NAA15: variants seen among roughly 807,000 people sequenced by gnomAD.
NAA15 encodes the protein N-terminal acetyltransferase.
NAA15 carries 34 observed loss-of-function variants against 114.0 expected under a neutral mutation model. The ratio of observed to expected loss-of-function variants is 0.30; its 90% CI spans 0.23 to 0.40. The LOEUF is 0.40. Among genes scored for constraint, NAA15 ranks in the 10% least tolerant of loss-of-function variants. NAA15 has a pLI of 1.00. For missense variants in NAA15, 658 were observed against 1,004.5 expected, an observed-to-expected ratio of 0.66 and a Z score of 4.66; for synonymous variants, 340 against 338.0, an observed-to-expected ratio of 1.01 and a Z score of -0.06.
Position 139,363,067 on chromosome 4 carries a change from A to G in NAA15, c.1753+1130A>G, listed in dbSNP as rs1225103920. On this transcript the variant is annotated intron_variant, in intron 14 of 19. Transcript: ENST00000296543. ...GTCACATACTGAAGCCTTTGTACAG[A>G]TATCACTTGAATCTCTTTCTACCTG... Among the ~76,000 whole-genome samples, 6 of 152,336 alleles carry G rather than the reference A, an allele frequency of 3.9e-5. No individual in the cohort carries two copies. The South Asian group carries it at 1.0e-3, about 26-fold the overall frequency.
chr4:139,377,903 A>G (rs188219286), intron 16 of NAA15, among the ~76,000 whole-genome samples: 2 of 152,328 alleles, frequency 1.3e-5, no homozygotes, highest in Non-Finnish European at 2.9e-5. Flanking sequence ...GCTCTGCTTA[A>G]AGTAGGGAAG....
Position 139,351,194 on chromosome 4 carries a change from A to G in NAA15, c.815A>G (p.Asn272Ser). 1.9e-6 allele frequency: 3 copies of G among 1,567,784 alleles called. No homozygotes were observed. Among genetic ancestry groups the G allele is most frequent in the Middle Eastern group, 1.7e-4 (1 of 5,892 alleles). The change falls in exon 8 of 20, where the codon AAT becomes AGT. Residue 272 changes from asparagine (N) to serine (S), a missense_variant. Physicochemically the swap from Asn to Ser is conservative, Grantham distance 46. This residue lies in a region of NAA15 where 281 missense variants were observed against 389.1 expected (regional missense o/e 0.72). Transcript: ENST00000296543. ...AAGAATTTTTCTTTGTTTGCAGCTA[A>G]TATGTTAGAACGGCTAAAAATTTAT... ...KGLEKALKPA[N>S]MLERLKIYEE...
intron 10 of NAA15, among the ~76,000 whole-genome samples, chr4:139,357,137 AT>A (rs1747982775): frequency 6.6e-6 from 1 of 152,026 alleles, no homozygotes; most frequent in African/African-American, 2.4e-5. Flanking sequence ...GTTAGACCTT[AT>A]TTATCTCCCA....
chr4:139,340,581 A>G (rs1223937183), intron 3 of NAA15, among the ~76,000 whole-genome samples: 1 of 152,138 alleles, frequency 6.6e-6, no homozygotes, highest in Non-Finnish European at 1.5e-5. Context: ...AGCACTTTAT[A>G]TATGTTATCC....
At chr4:139,354,672 TAATC>T (rs1747884900) in intron 10 of NAA15, among the ~76,000 whole-genome samples, 1 of 152,228 alleles carries the variant, frequency 6.6e-6, no homozygotes, top group Admixed American at 6.5e-5. Context: ...AACAGTATAA[TAATC>T]CTCTCTTTAC....
chr4:139,387,980 C>T lies in NAA15; in HGVS notation c.2497C>T (p.Pro833Ser), dbSNP rs777397048. Reference sequence around the variant, plus strand: ...TAGAGCAAATTGTCATAAGCTTTTCCCTTATGCTTTGGCTTTCATGCCTCC... The same window carrying T: ...TAGAGCAAATTGTCATAAGCTTTTCTCTTATGCTTTGGCTTTCATGCCTCC... Reference protein sequence around the residue: ...IYRANCHKLFPYALAFMPPGY... With the variant: ...IYRANCHKLFSYALAFMPPGY... Residue 833 changes from proline to serine, a missense_variant, in exon 20 of 20, where the codon CCT (proline) becomes TCT (serine). This residue lies in a region of NAA15 where 275 missense variants were observed against 371.1 expected (regional missense o/e 0.74). Coordinates refer to ENST00000296543, the MANE Select transcript of NAA15 (RefSeq NM_057175.5). 2.5e-5 allele frequency: 40 copies of T among 1,613,726 alleles called. No homozygotes were observed. The Admixed American group carries it at 6.2e-4, about 25-fold the overall frequency.
intron 1 of NAA15, 128 bp downstream of exon 1, chr4:139,301,959 G>A: frequency 2.0e-6 from 2 of 1,007,090 alleles, no homozygotes; most frequent in Admixed American, 2.6e-5. Flanking sequence ...GCTCTCGTCA[G>A]GCCGAATGCA....
intron 1 of NAA15, among the ~76,000 whole-genome samples, chr4:139,331,011 C>G (rs1007786523): frequency 6.9e-6 from 1 of 145,074 alleles, no homozygotes; most frequent in Non-Finnish European, 1.5e-5. Context: ...TATATTGCCT[C>G]AAAAATTATG....
In NAA15 at chr4:139,321,045, A is replaced by AT. The variant is rs963744772; in HGVS notation, c.55-13119dup. On this transcript the variant is annotated intron_variant, in intron 1 of 19. Coordinates refer to ENST00000296543, the MANE Select transcript of NAA15 (RefSeq NM_057175.5). ...ACTGTGTCTAGCTAGAGATTTATTC[A>AT]TTTTTTTTTTGATCTTCTCAAAGAA... is the stretch of plus-strand genomic sequence containing the variant. Among the ~76,000 whole-genome samples the AT allele has an allele frequency of 1.4e-3, 213 of 147,626 alleles. 1 individual carries two copies. The East Asian group carries it at 0.016, about 11-fold the overall frequency.
chr4:139,360,027 C>T, intron 12 of NAA15, 132 bp downstream of exon 12: 1 of 810,686 alleles, frequency 1.2e-6, no homozygotes, highest in Non-Finnish European at 1.8e-6. Context: ...TTAATTAAAT[C>T]ACTGTATCAG....
At position 139,317,144 on chromosome 4, in the gene NAA15, A is replaced by G. The variant is rs767747688; in HGVS notation, c.54+15313A>G. ...ATTCGGTTACCACTAGGACTCTGCT[A>G]TATTGCTCTTCTGGACAGTTCCCAT... On this transcript the variant is annotated intron_variant, in intron 1 of 19. Coordinates refer to ENST00000296543, the MANE Select transcript of NAA15 (RefSeq NM_057175.5). Among the ~76,000 whole-genome samples, 4 of 151,912 alleles carry G rather than the reference A, an allele frequency of 2.6e-5. No individual in the cohort carries two copies. The East Asian group carries it at 5.8e-4, about 22-fold the overall frequency.
chr4:139,360,041 A>G, intron 12 of NAA15, 146 bp downstream of exon 12: 1 of 743,732 alleles, frequency 1.3e-6, no homozygotes, highest in Non-Finnish European at 2.0e-6. Flanking sequence ...GTATCAGAAG[A>G]TACTGGAGTC....
chr4:139,332,669 G>A (rs982097244), intron 1 of NAA15, among the ~76,000 whole-genome samples: 8 of 128,872 alleles, frequency 6.2e-5, no homozygotes, highest in African/African-American at 2.4e-4. Context: ...TGCAACCTCT[G>A]CCTGCTGGGT....
intron 2 of NAA15, among the ~76,000 whole-genome samples, chr4:139,336,131 A>G (rs1312792941): frequency 6.6e-6 from 1 of 152,216 alleles, no homozygotes; most frequent in Non-Finnish European, 1.5e-5. Flanking sequence ...TTTGTGCCTA[A>G]TTAATTTCTC....
In NAA15 at chr4:139,349,511, T is replaced by C. The variant is rs765347361; in HGVS notation, c.741T>C (p.Tyr247=). The C allele has an allele frequency of 3.1e-6, 5 of 1,611,702 alleles. No homozygotes were observed. In the East Asian group the frequency reaches 6.7e-5, roughly 22 times the overall value. The stretch of plus-strand genomic sequence containing the variant: ...GTTTGGAAGATGCTGCAGATGTTTA[T>C]AGAGGATTGCAAGAGAGAAATCCTG... ...LCRLEDAADV[Y]RGLQERNPEN... Residue 247 remains tyrosine (Y), a synonymous_variant, in exon 7 of 20, where the codon TAT becomes TAC. Transcript: ENST00000296543.
At chr4:139,304,302 A>C (rs1055073247) in intron 1 of NAA15, among the ~76,000 whole-genome samples, 2 of 152,274 alleles carry the variant, frequency 1.3e-5, no homozygotes, top group Non-Finnish European at 1.5e-5. Context: ...AATACAGTGC[A>C]CTTTACTCAG....
intron 1 of NAA15, among the ~76,000 whole-genome samples, chr4:139,329,512 G>T (rs1489574247): frequency 6.6e-6 from 1 of 152,004 alleles, no homozygotes; most frequent in Non-Finnish European, 1.5e-5. Context: ...TTTTTTGAGG[G>T]TTTGTTAGGG....
intron 7 of NAA15, among the ~76,000 whole-genome samples, chr4:139,350,517 C>G (rs1030460610): frequency 6.6e-6 from 1 of 152,190 alleles, no homozygotes; most frequent in Admixed American, 6.5e-5. Context: ...CTTGTGGGAA[C>G]AGGCCCAGAA....
intron 10 of NAA15, among the ~76,000 whole-genome samples, chr4:139,355,944 A>C (rs917284360): frequency 6.6e-6 from 1 of 152,180 alleles, no homozygotes; most frequent in African/African-American, 2.4e-5. Flanking sequence ...CTGTTTACAC[A>C]ATGTTTCAGT....
Sources: allele counts gnomAD v4.1 joint callset (sites outside exome capture counted in the v4.1 genomes callset), GRCh38; gene constraint gnomAD v4.1.1; regional missense constraint gnomAD v4.1.1; transcripts MANE v1.5; gene names NCBI Gene and HGNC (gene_info 2026-07-23, HGNC 2026-07-21).